SLC5A2: variants seen among roughly 807,000 people sequenced by gnomAD.
The protein encoded by SLC5A2 is sodium/glucose cotransporter 2.
Under a neutral mutation model 69.0 loss-of-function variants are expected in SLC5A2, and 67 were observed. The observed-to-expected ratio is 0.97, with a 90% CI of 0.80 to 1.19. The LOEUF (loss-of-function observed/expected upper bound fraction) is 1.19. SLC5A2 is among the 50% of genes most tolerant of loss of function. The probability of loss-of-function intolerance (pLI) is 0.00; values close to 1 mark genes in which losing one functional copy is unlikely to be tolerated. For synonymous variants in SLC5A2, 455 were observed against 395.8 expected, an observed-to-expected ratio of 1.15 and a Z score of -1.78; for missense variants, 1,001 against 921.5, an observed-to-expected ratio of 1.09 and a Z score of -1.12.
At chr16:31,484,213 T>C (rs535304053) in intron 1 of SLC5A2, among the ~76,000 whole-genome samples, 34 of 151,258 alleles carry the variant, frequency 2.2e-4, no homozygotes, top group African/African-American at 7.8e-4. Context: ...GGTGAAACCC[T>C]GTCTCTACTA....
rs771216476 is a variant in SLC5A2, at chr16:31,485,056, G to A, written c.303+133G>A. ...CCCAACTGCGGGGTGTGACTGGGCTGGGAGTGGAGGTCATACATCTAGCCA... is the reference window on the plus strand; with the variant it reads ...CCCAACTGCGGGGTGTGACTGGGCTAGGAGTGGAGGTCATACATCTAGCCA... On this transcript the variant is annotated intron_variant, in intron 3 of 13. Coordinates refer to ENST00000330498, the MANE Select transcript of SLC5A2 (RefSeq NM_003041.4). The A allele has an allele frequency of 1.1e-5, 9 of 835,492 alleles. No individual in the cohort carries two copies. The East Asian group carries it at 2.4e-4, about 22-fold the overall frequency. The allele number at this position is 835,492 out of a possible 1,614,324, so 51.8% of individuals were successfully genotyped here. A position where few individuals can be genotyped will look rare whatever the true frequency, so the allele number is the denominator to read the frequency against.
intron 4 of SLC5A2, 57 bp from the exon 5 acceptor site, chr16:31,486,113 G>A: frequency 7.3e-7 from 1 of 1,368,976 alleles, no homozygotes; most frequent in Non-Finnish European, 1.0e-6. Context: ...GCCTGGGCAG[G>A]AGGTGGGCTG....
chr16:31,489,769 A>G, intron 12 of SLC5A2: 1 of 448,354 alleles, frequency 2.2e-6, no homozygotes, highest in South Asian at 2.1e-5. Flanking sequence ...CAGCAGCAGG[A>G]GGAAAGGGTG....
At chr16:31,483,468 A>AGCT (rs2082471664) in intron 1 of SLC5A2, among the ~76,000 whole-genome samples, 1 of 152,180 alleles carries the variant, frequency 6.6e-6, no homozygotes, top group Non-Finnish European at 1.5e-5. Context: ...GTGCTAGCTG[A>AGCT]AGGGGTCCGC....
rs201859484 is a variant in SLC5A2, at chr16:31,489,128, C to T, written c.1455C>T (p.Ala485=). 5.5e-5 allele frequency: 89 copies of T among 1,608,268 alleles called. 1 individual carries two copies. Among genetic ancestry groups the T allele is most frequent in the Non-Finnish European group, 6.8e-6 (8 of 1,179,980 alleles). ...CTGACCTGTTTCCTTCGCAGGGCGCCTTCTGGGGACTCATCGGGGGCCTGC... is the reference window on the plus strand; with the variant it reads ...CTGACCTGTTTCCTTCGCAGGGCGCTTTCTGGGGACTCATCGGGGGCCTGC... ...LFVPRVNEQG[A]FWGLIGGLLM... Residue 485 remains alanine, a synonymous_variant, in exon 12 of 14, where the codon GCC becomes GCT. Transcript: ENST00000330498.
Position 31,487,312 on chromosome 16 carries a change from T to G in SLC5A2, c.575-8T>G, listed in dbSNP as rs1397369779. On this transcript the variant is annotated splice_polypyrimidine_tract_variant and splice_region_variant and intron_variant, in intron 5 of 13. Coordinates refer to ENST00000330498, the MANE Select transcript of SLC5A2 (RefSeq NM_003041.4). ...GCTGGGCTGTCCCCTGACCCCGGCC[T>G]GTTGCAGGAGGGCTGGCCGCGCTGA... is the stretch of plus-strand genomic sequence containing the variant. The G allele has an allele frequency of 6.2e-7, 1 of 1,613,094 alleles. No individual in the cohort carries two copies. The highest frequency in any genetic ancestry group is 1.3e-5 in the African/African-American group (1 of 74,718).
chr16:31,490,281 C>A, intron 13 of SLC5A2, 28 bp from the exon 14 acceptor site: 1 of 1,613,716 alleles, frequency 6.2e-7, no homozygotes, highest in South Asian at 1.1e-5. Flanking sequence ...TTCCCGCAAA[C>A]TAACTGCAGG....
intron 12 of SLC5A2, 141 bp downstream of exon 12, chr16:31,489,479 C>T (rs1021678460): frequency 1.6e-5 from 12 of 740,306 alleles, no homozygotes; most frequent in South Asian, 6.2e-5. Context: ...TTGCAATTGC[C>T]GAGCAAGAAT....
chr16:31,483,746 T>A (rs1042289828), intron 1 of SLC5A2, among the ~76,000 whole-genome samples: 12 of 151,964 alleles, frequency 7.9e-5, no homozygotes, highest in Admixed American at 7.2e-4. Context: ...AAAAAATTTA[T>A]TTTAAAAATT....
At chr16:31,487,988 C>G (rs1030744542) in intron 7 of SLC5A2, 50 bp from the exon 8 acceptor site, 2 of 1,603,824 alleles carry the variant, frequency 1.2e-6, no homozygotes, top group Non-Finnish European at 1.7e-6. Flanking sequence ...GGGCGCGGGG[C>G]GGGGCCGAGG....
intron 5 of SLC5A2, among the ~76,000 whole-genome samples, 159 bp from the exon 6 acceptor site, chr16:31,487,161 G>A (rs1313733638): frequency 2.0e-5 from 3 of 152,238 alleles, no homozygotes; most frequent in Non-Finnish European, 4.4e-5. Flanking sequence ...AGCCCTGCTT[G>A]TTGGTGCCTG....
At chr16:31,489,467 A>G (rs989507973) in intron 12 of SLC5A2, 129 bp downstream of exon 12, 3 of 809,680 alleles carry the variant, frequency 3.7e-6, no homozygotes, top group Admixed American at 4.3e-5. Flanking sequence ...GTCCAGCTGC[A>G]GTTGCAATTG....
In SLC5A2 at chr16:31,490,457, G is replaced by A. The variant is rs978810285; in HGVS notation, c.1941G>A (p.Pro647=). Residue 647 remains proline (P), a synonymous_variant, in exon 14 of 14, where the codon CCG becomes CCA. Coordinates refer to ENST00000330498, the MANE Select transcript of SLC5A2 (RefSeq NM_003041.4). Reference sequence around the variant, plus strand: ...GGCTGGAGGACATCAGCGAGGACCCGAGCTGGGCCCGTGTGGTCAACCTCA... The same window carrying A: ...GGCTGGAGGACATCAGCGAGGACCCAAGCTGGGCCCGTGTGGTCAACCTCA... ...ARRLEDISED[P]SWARVVNLNA... is the part of the protein sequence containing the mutation. The A allele has an allele frequency of 3.7e-6, 6 of 1,613,902 alleles. No homozygotes were observed. The highest frequency in any genetic ancestry group is 2.2e-5 in the East Asian group (1 of 44,894).
rs551425869 is a variant in SLC5A2 at position 31,490,725 on chromosome 16, C to T, written c.*190C>T. 5.3e-5 allele frequency: 69 copies of T among 1,303,310 alleles called. No homozygotes were observed. Among genetic ancestry groups the T allele is most frequent in the Admixed American group, 3.0e-4 (17 of 57,402 alleles). 80.7% of individuals were successfully genotyped at this position (1,303,310 alleles called of 1,614,324 possible). On this transcript the variant is annotated 3_prime_UTR_variant, in exon 14 of 14. Transcript: ENST00000330498. ...ACTTCCCATGAGGGCCTGGCCCACC[C>T]GCTGCAGTTGCCCTAAGGAAAAATA...
At chr16:31,486,638 A>G (rs186096890) in intron 5 of SLC5A2, among the ~76,000 whole-genome samples, 10 of 152,330 alleles carry the variant, frequency 6.6e-5, no homozygotes, top group Admixed American at 5.9e-4. Context: ...CTGAGGTCAG[A>G]TGCGGACCAG....
At chr16:31,489,359 G>A (rs1431671217) in intron 12 of SLC5A2, 21 bp downstream of exon 12, 1 of 1,598,934 alleles carries the variant, frequency 6.3e-7, no homozygotes, top group Admixed American at 1.7e-5. Context: ...AGGTGCCCCA[G>A]GCAAGCACTG....
At chr16:31,487,860 T>C in intron 7 of SLC5A2, 101 bp downstream of exon 7, 1 of 1,412,332 alleles carries the variant, frequency 7.1e-7, no homozygotes, top group Non-Finnish European at 9.6e-7. Context: ...TAAGGCGCAG[T>C]CTGAGGGGCG....
chr16:31,488,588 T>C (rs757192207), intron 9 of SLC5A2, 34 bp from the exon 10 acceptor site: 6 of 1,609,746 alleles, frequency 3.7e-6, no homozygotes, highest in Non-Finnish European at 5.1e-6. Flanking sequence ...GGACCCCCAG[T>C]GGCCCCAGCC....
Position 31,489,322 on chromosome 16 carries a change from C to G in SLC5A2, c.1649C>G (p.Pro550Arg). ...CTCACGGTCTCCCTGTGCACCGCGC[C>G]CATCCCCAGAAAGCACGTGAGTGGC... Reference protein sequence around the residue: ...LTLTVSLCTAPIPRKHLHRLV... With the variant: ...LTLTVSLCTARIPRKHLHRLV... The change falls in exon 12 of 14, where the codon CCC (proline) becomes CGC (arginine). Residue 550 changes from proline to arginine, a missense_variant. Pro to Arg is a moderately radical substitution (Grantham distance 103). Transcript: ENST00000330498. 1 of 1,608,834 alleles carries G rather than the reference C, an allele frequency of 6.2e-7. No homozygotes were observed. Among genetic ancestry groups the G allele is most frequent in the Non-Finnish European group, 8.5e-7 (1 of 1,179,976 alleles).
Sources: allele counts gnomAD v4.1 joint callset (sites outside exome capture counted in the v4.1 genomes callset), GRCh38; gene constraint gnomAD v4.1.1; transcripts MANE v1.5; gene names NCBI Gene and HGNC (gene_info 2026-07-23, HGNC 2026-07-21).